Variants in WDFY1 observed in about 807,000 individuals in gnomAD.
WDFY1 encodes the protein WD repeat and FYVE domain-containing protein 1.
WDFY1 carries 32 observed loss-of-function variants against 56.4 expected under a neutral mutation model. The ratio of observed to expected loss-of-function variants is 0.57; its 90% CI spans 0.43 to 0.76. The LOEUF (loss-of-function observed/expected upper bound fraction) is 0.76. WDFY1 is among the 30% of genes least tolerant of loss of function. WDFY1 has a pLI of 0.00. For synonymous variants in WDFY1, 192 were observed against 197.3 expected (o/e 0.97, Z 0.23); for missense variants, 480 against 545.7 (o/e 0.88, Z 1.20).
intron 5 of WDFY1, 45 bp downstream of exon 5, chr2:223,901,137 GA>G (rs1331974130): frequency 1.3e-6 from 2 of 1,580,084 alleles, no homozygotes; most frequent in Admixed American, 3.5e-5. Flanking sequence ...CAAACACTGA[GA>G]AGCAGAGGCC....
At chr2:223,933,875 T>C (rs1694122483) in intron 1 of WDFY1, among the ~76,000 whole-genome samples, 1 of 146,678 alleles carries the variant, frequency 6.8e-6, no homozygotes, top group South Asian at 2.2e-4. Context: ...GGTGGAAGGA[T>C]CGTTTGAGCC....
intron 1 of WDFY1, among the ~76,000 whole-genome samples, chr2:223,931,951 G>T (rs1694082655): frequency 1.3e-5 from 2 of 151,750 alleles, no homozygotes; most frequent in Non-Finnish European, 2.9e-5. Context: ...CTCCCAAAGT[G>T]CTGGGATTAC....
chr2:223,880,534 G>A (rs1449342288), intron 10 of WDFY1, among the ~76,000 whole-genome samples: 6 of 151,774 alleles, frequency 4.0e-5, no homozygotes, highest in African/African-American at 1.2e-4. Flanking sequence ...TTGAACCTGG[G>A]AGGTGGGGGC....
At chr2:223,897,198 C>A (rs1302662532) in intron 6 of WDFY1, among the ~76,000 whole-genome samples, 2 of 151,716 alleles carry the variant, frequency 1.3e-5, no homozygotes, top group African/African-American at 4.8e-5. Flanking sequence ...TTGATTCTTT[C>A]AGCAACTCCC....
rs746731653 is a variant in WDFY1, at chr2:223,901,311, C to T, written c.357G>A (p.Ala119=). ...ACTCTGTGGCCAAGCTGAAGATAAT[C>T]GCAGACACCCGGTTCTGATGAGCTG... ...TYPAHQNRVS[A]IIFSLATEWV... The change falls in exon 5 of 12, where the codon GCG becomes GCA. Residue 119 remains alanine (A), a synonymous_variant. Transcript: ENST00000233055. 2.5e-6 allele frequency: 4 copies of T among 1,613,982 alleles called. No individual in the cohort carries two copies. In the African/African-American group the frequency reaches 4.0e-5, roughly 16 times the overall value.
chr2:223,906,421 G>A (rs559689156), intron 3 of WDFY1, among the ~76,000 whole-genome samples: 11 of 152,300 alleles, frequency 7.2e-5, no homozygotes, highest in Non-Finnish European at 1.3e-4. Flanking sequence ...GGGTAGCTCA[G>A]CAATTTAGTG....
chr2:223,918,237 AT>A (rs1450818424), intron 1 of WDFY1, among the ~76,000 whole-genome samples: 1 of 152,104 alleles, frequency 6.6e-6, no homozygotes, highest in Non-Finnish European at 1.5e-5. Context: ...TATGCACACC[AT>A]ATACATATAC....
chr2:223,925,710 G>C (rs1460530093), intron 1 of WDFY1, among the ~76,000 whole-genome samples: 1 of 152,202 alleles, frequency 6.6e-6, no homozygotes, highest in Admixed American at 6.5e-5. Context: ...CTTAATGCCT[G>C]CTGCTCCTCC....
At chr2:223,915,493 A>G (rs1693772237) in intron 2 of WDFY1, among the ~76,000 whole-genome samples, 1 of 152,240 alleles carries the variant, frequency 6.6e-6, no homozygotes, top group Non-Finnish European at 1.5e-5. Context: ...GTCAAGGAGT[A>G]ACTGAACCAA....
intron 2 of WDFY1, among the ~76,000 whole-genome samples, chr2:223,917,435 T>G (rs1328442160): frequency 6.6e-6 from 1 of 152,152 alleles, no homozygotes; most frequent in Non-Finnish European, 1.5e-5. Flanking sequence ...CAAGTCTGCT[T>G]CAGTTAAGCC....
At chr2:223,900,091 T>C (rs1693478184) in intron 5 of WDFY1, among the ~76,000 whole-genome samples, 1 of 152,242 alleles carries the variant, frequency 6.6e-6, no homozygotes, top group Non-Finnish European at 1.5e-5. Context: ...CAGAAATTTA[T>C]ACACGACATG....
intron 2 of WDFY1, among the ~76,000 whole-genome samples, chr2:223,913,615 C>T (rs896754240): frequency 4.6e-5 from 7 of 152,204 alleles, no homozygotes; most frequent in African/African-American, 1.7e-4. Context: ...TTATCTTTGA[C>T]AAATCAAATC....
intron 1 of WDFY1, among the ~76,000 whole-genome samples, chr2:223,932,315 G>C (rs1210400446): frequency 6.6e-6 from 1 of 150,806 alleles, no homozygotes; most frequent in East Asian, 2.0e-4. Flanking sequence ...GTAGAGACAG[G>C]GTTTCACCGT....
chr2:223,878,758 G>T, intron 11 of WDFY1, 28 bp from the exon 12 acceptor site: 1 of 1,613,892 alleles, frequency 6.2e-7, no homozygotes. Flanking sequence ...ACGCAGAAAA[G>T]GCAGCAGTGA....
intron 1 of WDFY1, among the ~76,000 whole-genome samples, chr2:223,935,726 C>T (rs928414158): frequency 2.0e-5 from 3 of 152,108 alleles, no homozygotes; most frequent in Admixed American, 1.3e-4. Flanking sequence ...GGAACTAATA[C>T]CTGATTGTAA....
At chr2:223,935,440 G>A (rs1240640425) in intron 1 of WDFY1, among the ~76,000 whole-genome samples, 2 of 152,174 alleles carry the variant, frequency 1.3e-5, no homozygotes, top group Non-Finnish European at 2.9e-5. Context: ...GTATATATGT[G>A]CTAATAATGT....
In WDFY1 at chr2:223,937,823, T is replaced by C. The variant is rs551590475; in HGVS notation, c.137+7325A>G. 6.6e-5 allele frequency among the ~76,000 whole-genome samples: 10 copies of C among 152,336 alleles called. No individual in the cohort carries two copies. The South Asian group carries it at 1.2e-3, about 19-fold the overall frequency. On this transcript the variant is annotated intron_variant, in intron 1 of 11. Coordinates refer to ENST00000233055, the MANE Select transcript of WDFY1 (RefSeq NM_020830.5). ...TCTACTTTTAGGCTCTGCATGACAATGAAAATACAGCAGTTAACATCCTGG... is the reference window on the plus strand; with the variant it reads ...TCTACTTTTAGGCTCTGCATGACAACGAAAATACAGCAGTTAACATCCTGG...
chr2:223,912,388 G>GAGAT, intron 2 of WDFY1, 62 bp from the exon 3 acceptor site: 1 of 1,457,086 alleles, frequency 6.9e-7, no homozygotes, highest in East Asian at 2.3e-5. Context: ...GTTCTTCAAA[G>GAGAT]TGATTAAGAA....
chr2:223,930,948 G>T (rs1323299032), intron 1 of WDFY1, among the ~76,000 whole-genome samples: 1 of 152,210 alleles, frequency 6.6e-6, no homozygotes, highest in Non-Finnish European at 1.5e-5. Flanking sequence ...GCACTGCCTA[G>T]GTGACCTGTA....
Sources: allele counts gnomAD v4.1 joint callset (sites outside exome capture counted in the v4.1 genomes callset), GRCh38; gene constraint gnomAD v4.1.1; transcripts MANE v1.5; gene names NCBI Gene and HGNC (gene_info 2026-07-23, HGNC 2026-07-21).